The following SRGAP2 variants were observed in gnomAD, a reference collection of about 807,000 sequenced individuals.
The protein encoded by SRGAP2 is SLIT-ROBO Rho GTPase-activating protein 2.
A neutral mutation model predicts 57.2 loss-of-function variants in SRGAP2; 15 were observed. The observed-to-expected ratio is 0.26, with a 90% CI of 0.18 to 0.40. The LOEUF is 0.40. Among genes scored for constraint, SRGAP2 ranks in the 10% least tolerant of loss-of-function variants. The pLI, the probability that SRGAP2 is intolerant of heterozygous loss-of-function variation, is 1.00. For synonymous variants in SRGAP2, 249 were observed against 248.0 expected, an observed-to-expected ratio of 1.00 and a Z score of -0.04; for missense variants, 520 against 669.6, an observed-to-expected ratio of 0.78 and a Z score of 2.47.
At chr1:206,436,917 G>A in intron 14 of SRGAP2, 48 bp from the exon 15 acceptor site, 1 of 780,096 alleles carries the variant, frequency 1.3e-6, no homozygotes, top group Non-Finnish European at 2.4e-6. Flanking sequence ...CACTATGCTT[G>A]TGAATTTGCT....
chr1:206,439,253 T>A (rs936153672), intron 16 of SRGAP2, among the ~76,000 whole-genome samples: 1 of 152,164 alleles, frequency 6.6e-6, no homozygotes, highest in Non-Finnish European at 1.5e-5. Context: ...CTGCCTATGA[T>A]GGAGGACCTG....
intron 10 of SRGAP2, 106 bp from the exon 11 acceptor site, chr1:206,415,783 G>T: frequency 1.4e-6 from 1 of 695,616 alleles, no homozygotes. Flanking sequence ...AATTGGGTCA[G>T]AAACCAAATG....
Position 206,453,339 on chromosome 1 carries a change from C to T in SRGAP2, c.2319C>T (p.Ile773=), listed in dbSNP as rs782802558. 13 of 746,962 alleles carry T rather than the reference C, an allele frequency of 1.7e-5. No homozygotes were observed. Among genetic ancestry groups the T allele is most frequent in the Admixed American group, 3.6e-5 (2 of 55,284 alleles). 46.3% of individuals were successfully genotyped at this position (746,962 alleles called of 1,614,324 possible). A position where few individuals can be genotyped will look rare whatever the true frequency, so the allele number is the denominator to read the frequency against. The change falls in exon 20 of 23, where the codon ATC becomes ATT. Residue 773 remains isoleucine (I), a synonymous_variant. Transcript: ENST00000573034. ...GGTGGGAAGGCCGGCACAATGGCAT[C>T]GACGGACTCATCCCCCATCAGTACA... ...DDWWEGRHNG[I]DGLIPHQYIV...
intron 2 of SRGAP2, among the ~76,000 whole-genome samples, chr1:206,234,865 C>T (rs1553307915): frequency 6.6e-6 from 1 of 151,736 alleles, no homozygotes; most frequent in Non-Finnish European, 1.5e-5. Context: ...TTTCGTGCCC[C>T]AAGAGAGCTT....
At chr1:206,391,717 C>T (rs1553350570) in intron 5 of SRGAP2, among the ~76,000 whole-genome samples, 1 of 150,982 alleles carries the variant, frequency 6.6e-6, no homozygotes. Context: ...TTTCAGCACT[C>T]GTGAACTCCC....
At chr1:206,266,450 T>C (rs1669854111) in intron 2 of SRGAP2, among the ~76,000 whole-genome samples, 1 of 152,064 alleles carries the variant, frequency 6.6e-6, no homozygotes, top group Non-Finnish European at 1.5e-5. Flanking sequence ...TCCATGTTGG[T>C]CAGGATGGTC....
chr1:206,461,180 C>G lies in SRGAP2; in HGVS notation c.2976C>G (p.Pro992=). 2 of 780,644 alleles carry G rather than the reference C, an allele frequency of 2.6e-6. No homozygotes were observed. The highest frequency in any genetic ancestry group is 4.8e-6 in the Non-Finnish European group (2 of 417,874). 48.4% of individuals were successfully genotyped at this position (780,644 alleles called of 1,614,324 possible). Residue 992 remains proline (P), a synonymous_variant, in exon 23 of 23, where the codon CCC becomes CCG. Coordinates refer to ENST00000573034, the MANE Select transcript of SRGAP2 (RefSeq NM_015326.5). ...CAGTGGTGGCCCCCACGTCAGAGCC[C>G]TCCAGCCCTCTGCACACCCAGCTCC... ...TSPVVAPTSE[P]SSPLHTQLLK... is the part of the protein sequence containing the mutation.
chr1:206,460,432 A>C (rs951107606), intron 22 of SRGAP2, among the ~76,000 whole-genome samples: 1 of 151,906 alleles, frequency 6.6e-6, no homozygotes, highest in African/African-American at 2.4e-5. Context: ...CTTGGTGGTG[A>C]TGGCTGGAAG....
intron 20 of SRGAP2, 37 bp downstream of exon 20, chr1:206,453,417 C>T: frequency 3.5e-6 from 2 of 574,982 alleles, no homozygotes; most frequent in Non-Finnish European, 6.5e-6. Flanking sequence ...GGGTGGTCCC[C>T]AGCTGCTCTA....
chr1:206,249,432 T>A (rs1218285388), intron 2 of SRGAP2, among the ~76,000 whole-genome samples: 15 of 152,144 alleles, frequency 9.9e-5, no homozygotes, highest in Non-Finnish European at 1.2e-4. Context: ...AATGAGTTCA[T>A]GTCCTTTGCA....
Position 206,437,682 on chromosome 1 carries a change from G to A in SRGAP2, c.1634-282G>A, listed in dbSNP as rs34230208. ...ATGATTCTTGTGAGATACAGTTGCT[G>A]TGTCCCATCCTCAGCCCATAGGGAA... On this transcript the variant is annotated intron_variant, in intron 15 of 22. Transcript: ENST00000573034. The A allele has an allele frequency of 9.0e-3, 3,209 of 354,732 alleles. 31 individuals carry two copies. Among genetic ancestry groups the A allele is most frequent in the Middle Eastern group, 0.017 (21 of 1,222 alleles). The allele number at this position is 354,732 out of a possible 1,614,324, so 22.0% of individuals were successfully genotyped here. A position where few individuals can be genotyped will look rare whatever the true frequency, so the allele number is the denominator to read the frequency against.
rs374071443 is a variant in SRGAP2 at position 206,450,439 on chromosome 1, C to A, written c.2153C>A (p.Thr718Asn). ...TSVEDSTQDVTAEHHTSDDEC... is the reference protein window; with the variant it reads ...TSVEDSTQDVNAEHHTSDDEC... ...GTTGAAGACTCAACCCAGGATGTGA[C>A]CGCAGAGCACCACACGAGCGATGAC... Residue 718 changes from threonine (T) to asparagine (N), a missense_variant, in exon 19 of 23, where the codon ACC becomes AAC. Physicochemically the swap from Thr to Asn is moderately conservative, Grantham distance 65 (BLOSUM62 0). Coordinates refer to ENST00000573034, the MANE Select transcript of SRGAP2 (RefSeq NM_015326.5). 9 of 780,716 alleles carry A rather than the reference C, an allele frequency of 1.2e-5. No individual in the cohort carries two copies. The African/African-American group carries it at 1.5e-4, about 13-fold the overall frequency. The allele number at this position is 780,716 out of a possible 1,614,324, so 48.4% of individuals were successfully genotyped here. A position where few individuals can be genotyped will look rare whatever the true frequency, so the allele number is the denominator to read the frequency against.
chr1:206,452,132 T>C (rs973617822), intron 19 of SRGAP2, among the ~76,000 whole-genome samples: 2 of 152,232 alleles, frequency 1.3e-5, no homozygotes, highest in African/African-American at 4.8e-5. Flanking sequence ...CTAAGCACTT[T>C]TACAAATTGT....
intron 2 of SRGAP2, among the ~76,000 whole-genome samples, chr1:206,262,444 C>CT (rs1267521002): frequency 6.8e-6 from 1 of 147,550 alleles, no homozygotes; most frequent in African/African-American, 2.5e-5. Flanking sequence ...AAGGCACTCT[C>CT]TTTTACATGA....
chr1:206,259,692 T>C (rs1212472016), intron 2 of SRGAP2, among the ~76,000 whole-genome samples: 1 of 151,908 alleles, frequency 6.6e-6, no homozygotes, highest in African/African-American at 2.4e-5. Flanking sequence ...TGGTGTTTTG[T>C]TAGAGCAAGA....
chr1:206,412,325 G>A (rs1349348582), intron 10 of SRGAP2, among the ~76,000 whole-genome samples: 1 of 152,190 alleles, frequency 6.6e-6, no homozygotes, highest in Non-Finnish European at 1.5e-5. Context: ...TAGACTCTTT[G>A]CCTCCCTTCC....
intron 7 of SRGAP2, among the ~76,000 whole-genome samples, chr1:206,398,933 G>A (rs1232271751): frequency 6.6e-6 from 1 of 151,980 alleles, no homozygotes; most frequent in Non-Finnish European, 1.5e-5. Flanking sequence ...AGGACATTCT[G>A]GGAGCTGAAG....
At chr1:206,258,028 G>A (rs1399622735) in intron 2 of SRGAP2, among the ~76,000 whole-genome samples, 9 of 152,140 alleles carry the variant, frequency 5.9e-5, no homozygotes, top group Admixed American at 5.2e-4. Flanking sequence ...CGTAAAGGTG[G>A]TCAGAGTAGC....
intron 18 of SRGAP2, among the ~76,000 whole-genome samples, chr1:206,448,505 T>C (rs1662961950): frequency 6.6e-6 from 1 of 152,188 alleles, no homozygotes; most frequent in Non-Finnish European, 1.5e-5. Context: ...CTTGCCTTTC[T>C]CATAAAGCAG....
Sources: allele counts gnomAD v4.1 joint callset (sites outside exome capture counted in the v4.1 genomes callset), GRCh38; gene constraint gnomAD v4.1.1; transcripts MANE v1.5; gene names NCBI Gene and HGNC (gene_info 2026-07-23, HGNC 2026-07-21).